The following PRKCE variants were observed in gnomAD, a reference collection of about 807,000 sequenced individuals.
PRKCE encodes protein kinase C epsilon type.
A neutral mutation model predicts 85.4 loss-of-function variants in PRKCE; 16 were observed. That is an observed-to-expected ratio of 0.19 (90% CI 0.13 to 0.28). The LOEUF is 0.28. PRKCE is among the 10% of genes least tolerant of loss of function. The pLI, the probability that PRKCE is intolerant of heterozygous loss-of-function variation, is 1.00. For missense variants in PRKCE, 573 were observed against 975.2 expected, an observed-to-expected ratio of 0.59 and a Z score of 5.49; for synonymous variants, 388 against 371.5, an observed-to-expected ratio of 1.04 and a Z score of -0.51.
intron 2 of PRKCE, among the ~76,000 whole-genome samples, chr2:45,917,458 C>A (rs186923018): frequency 0.024 from 3,726 of 152,258 alleles, 125 homozygotes; most frequent in East Asian, 0.099. Context: ...TTGGTGCATT[C>A]ACAAACCCTG....
intron 1 of PRKCE, among the ~76,000 whole-genome samples, chr2:45,663,896 TA>T (rs1011512830): frequency 4.6e-5 from 7 of 152,074 alleles, no homozygotes; most frequent in Admixed American, 2.6e-4. Flanking sequence ...ATTGCCCGAT[TA>T]AAAAAACAAA....
intron 10 of PRKCE, among the ~76,000 whole-genome samples, chr2:46,035,107 C>T (rs954781477): frequency 6.6e-6 from 1 of 152,242 alleles, no homozygotes; most frequent in African/African-American, 2.4e-5. Context: ...CTCCTTTGCT[C>T]TGGCTCAGCA....
chr2:45,868,784 A>AAAAAT (rs1219926733), intron 2 of PRKCE, among the ~76,000 whole-genome samples: 9 of 150,306 alleles, frequency 6.0e-5, no homozygotes, highest in South Asian at 2.1e-4. Context: ...TAAAAATACA[A>AAAAAT]AAAATAAAAT....
chr2:45,677,994 C>A, intron 1 of PRKCE: 2 of 720,192 alleles, frequency 2.8e-6, no homozygotes, highest in Non-Finnish European at 1.7e-6. Flanking sequence ...TTACATGGAG[C>A]TGAGGAACCT....
chr2:46,038,678 C>A (rs901110079), intron 10 of PRKCE, among the ~76,000 whole-genome samples: 2 of 151,496 alleles, frequency 1.3e-5, no homozygotes, highest in African/African-American at 2.4e-5. Context: ...CACACACACA[C>A]ACACACACAC....
intron 11 of PRKCE, among the ~76,000 whole-genome samples, chr2:46,128,084 A>G (rs925445201): frequency 2.6e-5 from 4 of 152,252 alleles, no homozygotes; most frequent in African/African-American, 9.6e-5. Flanking sequence ...AAGCAGGTAC[A>G]GACACCAGGT....
At position 45,976,972 on chromosome 2, in the gene PRKCE, A is replaced by G. The variant is rs556546504; in HGVS notation, c.572+384A>G. Among the ~76,000 whole-genome samples the G allele has an allele frequency of 2.6e-4, 39 of 150,964 alleles. No homozygotes were observed. In the Middle Eastern group the frequency reaches 0.014, roughly 53 times the overall value. On this transcript the variant is annotated intron_variant, in intron 3 of 14. Transcript: ENST00000306156. ...AGTGCAGTGGCATGATCTCCACTCA[A>G]TGCAACCTCTGTCTCCCAGGTTCAA...
intron 1 of PRKCE, among the ~76,000 whole-genome samples, chr2:45,803,346 G>C (rs1199490021): frequency 6.6e-6 from 1 of 152,216 alleles, no homozygotes; most frequent in African/African-American, 2.4e-5. Context: ...AAGTGCTTTG[G>C]AATCTGTTGA....
At chr2:45,714,634 G>C (rs189371596) in intron 1 of PRKCE, among the ~76,000 whole-genome samples, 1 of 152,196 alleles carries the variant, frequency 6.6e-6, no homozygotes, top group African/African-American at 2.4e-5. Context: ...CCTCGTGAAA[G>C]GTCCTCTTGG....
intron 1 of PRKCE, among the ~76,000 whole-genome samples, chr2:45,681,492 C>G: frequency 6.6e-6 from 1 of 151,790 alleles, no homozygotes; most frequent in East Asian, 1.9e-4. Context: ...GTCAGAGTAC[C>G]CAGGTAGGCG....
chr2:45,656,882 T>C (rs565183020), intron 1 of PRKCE, among the ~76,000 whole-genome samples: 1 of 152,264 alleles, frequency 6.6e-6, no homozygotes, highest in Non-Finnish European at 1.5e-5. Context: ...AATGTGACTG[T>C]ATAACTTTAT....
At chr2:46,082,958 T>C (rs1669236569) in intron 10 of PRKCE, among the ~76,000 whole-genome samples, 1 of 152,050 alleles carries the variant, frequency 6.6e-6, no homozygotes, top group African/African-American at 2.4e-5. Flanking sequence ...TCATCCTGAT[T>C]TTTTTTTGAG....
intron 11 of PRKCE, among the ~76,000 whole-genome samples, chr2:46,137,692 G>A (rs1675132245): frequency 1.3e-5 from 2 of 151,474 alleles, no homozygotes; most frequent in Non-Finnish European, 2.9e-5. Context: ...GATCCTGGGA[G>A]GCAGAGGGTG....
intron 2 of PRKCE, among the ~76,000 whole-genome samples, chr2:45,964,475 C>G (rs994117776): frequency 2.6e-5 from 4 of 152,234 alleles, no homozygotes; most frequent in African/African-American, 9.6e-5. Flanking sequence ...TGGGAGCACT[C>G]TTTGAGCTTT....
At chr2:45,939,936 C>T (rs1198850960) in intron 2 of PRKCE, among the ~76,000 whole-genome samples, 2 of 152,156 alleles carry the variant, frequency 1.3e-5, no homozygotes, top group Non-Finnish European at 2.9e-5. Flanking sequence ...TAACCCAGCC[C>T]CTCACCATAC....
At chr2:46,023,640 G>T (rs1207602595) in intron 10 of PRKCE, among the ~76,000 whole-genome samples, 3 of 152,168 alleles carry the variant, frequency 2.0e-5, no homozygotes, top group African/African-American at 4.8e-5. Context: ...GTGAATTCCT[G>T]CTGGGCCCTT....
chr2:45,722,866 C>T (rs984339673), intron 1 of PRKCE, among the ~76,000 whole-genome samples: 1 of 152,144 alleles, frequency 6.6e-6, no homozygotes, highest in African/African-American at 2.4e-5. Context: ...TTTGGGAGGC[C>T]GAGGTGGGCA....
At chr2:45,728,479 A>G (rs991090799) in intron 1 of PRKCE, among the ~76,000 whole-genome samples, 19 of 152,156 alleles carry the variant, frequency 1.2e-4, no homozygotes, top group Admixed American at 9.8e-4. Context: ...TCTTCACAGT[A>G]TCCTCTTGTG....
At chr2:45,725,455 C>A (rs575016481) in intron 1 of PRKCE, among the ~76,000 whole-genome samples, 1 of 152,258 alleles carries the variant, frequency 6.6e-6, no homozygotes, top group South Asian at 2.1e-4. Context: ...TTAAGAAATA[C>A]ATTTCATAAG....
Sources: allele counts gnomAD v4.1 joint callset (sites outside exome capture counted in the v4.1 genomes callset), GRCh38; gene constraint gnomAD v4.1.1; transcripts MANE v1.5; gene names NCBI Gene and HGNC (gene_info 2026-07-23, HGNC 2026-07-21).